PDE3A: variants seen among roughly 807,000 people sequenced by gnomAD.
The protein encoded by PDE3A is phosphodiesterase 3A.
Under a neutral mutation model 98.3 loss-of-function variants are expected in PDE3A, and 43 were observed. The observed-to-expected ratio is 0.44, with a 90% confidence interval of 0.34 to 0.56. The LOEUF is 0.56. Among genes scored for constraint, PDE3A ranks in the 20% least tolerant of loss-of-function variants. PDE3A has a pLI of 0.01. For missense variants in PDE3A, 1,427 were observed against 1,440.7 expected (o/e 0.99, Z 0.15); for synonymous variants, 663 against 567.9 (o/e 1.17, Z -2.38).
intron 1 of PDE3A, among the ~76,000 whole-genome samples, chr12:20,544,829 C>T (rs796405678): frequency 6.6e-6 from 1 of 151,796 alleles, no homozygotes; most frequent in South Asian, 2.1e-4. Context: ...AAAAATATAT[C>T]TCAAAATGTG....
At chr12:20,658,184 T>G (rs4451779) in intron 15 of PDE3A, among the ~76,000 whole-genome samples, 75,786 of 152,046 alleles carry the variant, frequency 0.5, 19,898 homozygotes, top group East Asian at 0.72. Context: ...TTCAAATTTA[T>G]TTAAATTTCA....
chr12:20,593,326 G>A (rs191101234), intron 2 of PDE3A, among the ~76,000 whole-genome samples: 154 of 152,190 alleles, frequency 1.0e-3, no homozygotes, highest in Non-Finnish European at 1.7e-3. Flanking sequence ...AAAGGGCGGC[G>A]GGTTAAAGGT....
chr12:20,505,162 T>C (rs1197967455), intron 1 of PDE3A, among the ~76,000 whole-genome samples: 3 of 152,108 alleles, frequency 2.0e-5, no homozygotes, highest in Non-Finnish European at 4.4e-5. Context: ...CTTTCTATAG[T>C]CCTATATTTA....
chr12:20,549,490 CA>C (rs1942142124), intron 1 of PDE3A, among the ~76,000 whole-genome samples: 1 of 150,996 alleles, frequency 6.6e-6, no homozygotes, highest in Non-Finnish European at 1.5e-5. Flanking sequence ...TAATGATAAA[CA>C]CTTTGTATTC....
At chr12:20,551,882 A>T in intron 1 of PDE3A, 9 of 1,613,588 alleles carry the variant, frequency 5.6e-6, no homozygotes, top group Non-Finnish European at 7.6e-6. Flanking sequence ...TCCAACCACT[A>T]CGGACCCATC....
chr12:20,659,285 ACTG>A (rs1945107188), intron 15 of PDE3A, among the ~76,000 whole-genome samples: 1 of 151,872 alleles, frequency 6.6e-6, no homozygotes, highest in Non-Finnish European at 1.5e-5. Context: ...CTTTTTATTC[ACTG>A]TGTTTTAAAA....
At chr12:20,385,991 AT>A (rs1173898916) in intron 1 of PDE3A, among the ~76,000 whole-genome samples, 1 of 107,686 alleles carries the variant, frequency 9.3e-6, no homozygotes, top group Non-Finnish European at 1.7e-5. Flanking sequence ...TATAATATAT[AT>A]AAAATATATA....
chr12:20,438,112 A>G (rs1396511419), intron 1 of PDE3A, among the ~76,000 whole-genome samples: 1 of 152,122 alleles, frequency 6.6e-6, no homozygotes, highest in Admixed American at 6.5e-5. Context: ...CTCTCTCGAG[A>G]AGTCTTCCTA....
intron 1 of PDE3A, among the ~76,000 whole-genome samples, chr12:20,499,966 C>G (rs1050473462): frequency 6.6e-6 from 1 of 152,168 alleles, no homozygotes; most frequent in Non-Finnish European, 1.5e-5. Flanking sequence ...GATTAAATGA[C>G]TTGCTGAGGG....
chr12:20,614,047 C>A (rs1943937431), intron 3 of PDE3A, among the ~76,000 whole-genome samples: 1 of 152,146 alleles, frequency 6.6e-6, no homozygotes, highest in Admixed American at 6.5e-5. Flanking sequence ...ATCCTTGCTC[C>A]TTTCTAGTGC....
chr12:20,456,848 G>A (rs1394906162), intron 1 of PDE3A, among the ~76,000 whole-genome samples: 8 of 152,222 alleles, frequency 5.3e-5, no homozygotes, highest in South Asian at 4.1e-4. Context: ...AGCAAAGGGC[G>A]TATGCTTTTG....
intron 1 of PDE3A, among the ~76,000 whole-genome samples, chr12:20,483,252 G>C (rs1945664858): frequency 6.6e-6 from 1 of 152,132 alleles, no homozygotes; most frequent in Non-Finnish European, 1.5e-5. Context: ...AGCTGGGCGT[G>C]GTGGTGGGCG....
intron 2 of PDE3A, among the ~76,000 whole-genome samples, chr12:20,603,659 C>T (rs569724959): frequency 7.9e-5 from 12 of 152,218 alleles, no homozygotes; most frequent in African/African-American, 1.2e-4. Flanking sequence ...CAAACACCCA[C>T]GTGCACAACA....
chr12:20,616,378 C>T lies in PDE3A; in HGVS notation c.1418C>T (p.Ser473Leu), dbSNP rs199530957. 9.9e-5 allele frequency: 159 copies of T among 1,612,700 alleles called. No homozygotes were observed. Among genetic ancestry groups the T allele is most frequent in the Non-Finnish European group, 1.3e-4 (153 of 1,179,222 alleles). The change falls in exon 4 of 16, where the codon TCA becomes TTA. Residue 473 changes from serine to leucine, a missense_variant. Physicochemically the swap from Ser to Leu is moderately radical, Grantham distance 145. Transcript: ENST00000359062. Reference protein sequence around the residue: ...STSIKLQEAPSSSPDSWNNPV... With the variant: ...STSIKLQEAPLSSPDSWNNPV... ...AGCATCAAACTGCAGGAAGCACCTT[C>T]ATCCAGGTGGCATACGGCTCCTGCT...
chr12:20,385,993 AAAATATATATAT>A (rs1351959179), intron 1 of PDE3A, among the ~76,000 whole-genome samples: 1 of 105,020 alleles, frequency 9.5e-6, no homozygotes. Context: ...TAATATATAT[AAAATATATATAT>A]AAATATATAT....
At chr12:20,427,265 T>G (rs975239488) in intron 1 of PDE3A, among the ~76,000 whole-genome samples, 4 of 152,210 alleles carry the variant, frequency 2.6e-5, no homozygotes, top group African/African-American at 9.6e-5. Context: ...GCTTTTTATC[T>G]AAGAGGGGTT....
At chr12:20,405,002 C>A (rs188030984) in intron 1 of PDE3A, among the ~76,000 whole-genome samples, 107 of 152,038 alleles carry the variant, frequency 7.0e-4, no homozygotes, top group Admixed American at 5.1e-3. Flanking sequence ...TTTATTTTGA[C>A]AGACTGCTTT....
At chr12:20,614,159 A>ACAATCAAT (rs5796874) in intron 3 of PDE3A, among the ~76,000 whole-genome samples, 6 of 152,152 alleles carry the variant, frequency 3.9e-5, no homozygotes, top group East Asian at 1.9e-4. Flanking sequence ...TTTCCAATAC[A>ACAATCAAT]CAGTTTTGAA....
At chr12:20,526,218 C>T (rs1592019273) in intron 1 of PDE3A, among the ~76,000 whole-genome samples, 3 of 152,090 alleles carry the variant, frequency 2.0e-5, no homozygotes, top group Non-Finnish European at 4.4e-5. Flanking sequence ...TACTATTGTT[C>T]CTCAATAAAA....
Sources: gnomAD v4.1 joint callset for allele counts (sites outside exome capture counted in the v4.1 genomes callset) on GRCh38, gnomAD v4.1.1 for gene constraint, MANE v1.5 for transcripts, NCBI Gene and HGNC (gene_info 2026-07-23, HGNC 2026-07-21) for gene names.